The following ACOX1 variants were observed in gnomAD, a reference collection of about 807,000 sequenced individuals.
The protein encoded by ACOX1 is acyl-CoA oxidase 1.
A neutral mutation model predicts 75.5 loss-of-function variants in ACOX1; 41 were observed. The ratio of observed to expected loss-of-function variants is 0.54; its 90% CI spans 0.42 to 0.70. ACOX1 has a LOEUF of 0.70. Ranked by LOEUF, ACOX1 falls within the 30% of genes least tolerant of loss-of-function variation. The probability of loss-of-function intolerance (pLI) is 0.00; values close to 1 mark genes in which losing one functional copy is unlikely to be tolerated. For synonymous variants in ACOX1, 303 were observed against 298.8 expected (o/e 1.01, Z -0.15); for missense variants, 630 against 837.5 (o/e 0.75, Z 3.06).
intron 7 of ACOX1, among the ~76,000 whole-genome samples, chr17:75,952,548 C>T (rs1002329361): frequency 1.3e-5 from 2 of 152,042 alleles, no homozygotes; most frequent in Non-Finnish European, 2.9e-5. Context: ...CCCGCTTTGG[C>T]CTCCCAAAGT....
intron 8 of ACOX1, 38 bp from the exon 9 acceptor site, chr17:75,951,002 G>A: frequency 6.2e-7 from 1 of 1,601,900 alleles, no homozygotes; most frequent in Non-Finnish European, 8.5e-7. Flanking sequence ...GACATCTGTG[G>A]TGCTGAGAGC....
At chr17:75,961,380 GA>G (rs1567881100) in intron 2 of ACOX1, among the ~76,000 whole-genome samples, 1 of 150,316 alleles carries the variant, frequency 6.7e-6, no homozygotes. Flanking sequence ...AGCACTTTGG[GA>G]GGCTGACGCA....
intron 2 of ACOX1, among the ~76,000 whole-genome samples, chr17:75,977,683 A>ACTCTCT (rs2066066547): frequency 6.6e-6 from 1 of 152,238 alleles, no homozygotes; most frequent in Non-Finnish European, 1.5e-5. Context: ...TATGCACAAG[A>ACTCTCT]CAACCATTCA....
In ACOX1 at chr17:75,945,317, T is replaced by C. The variant is rs138647867; in HGVS notation, c.*1431A>G. On this transcript the variant is annotated 3_prime_UTR_variant, in exon 14 of 14. Coordinates refer to ENST00000293217, the MANE Select transcript of ACOX1 (RefSeq NM_004035.7). ...GACTCAAGTGAGATTAACACAGGGT[T>C]AATCTTCAATCTTAACACAATTATC... 9.0e-4 allele frequency: 137 copies of C among 152,354 alleles called. No homozygotes were observed. Among genetic ancestry groups the C allele is most frequent in the African/African-American group, 3.2e-3 (132 of 41,592 alleles). The allele number at this position is 152,354 out of a possible 1,614,324, so 9.4% of individuals were successfully genotyped here.
In ACOX1 at chr17:75,975,070, A is replaced by AAAAAG. The variant is rs1555619953; in HGVS notation, c.269+3463_269+3464insCTTTT. On this transcript the variant is annotated intron_variant, in intron 2 of 13. Transcript: ENST00000293217. ...GTCTCCAAAAAAAAAAAAAAAAAAAAAAAGAAAGAAAGAAAGAAATAATAG... is the reference window on the plus strand; with the variant it reads ...GTCTCCAAAAAAAAAAAAAAAAAAAAAAAAGAAAGAAAGAAAGAAAGAAATAATAG... 4.4e-4 allele frequency among the ~76,000 whole-genome samples: 64 copies of AAAAAG among 145,192 alleles called. 1 individual carries two copies. The highest frequency in any genetic ancestry group is 1.5e-3 in the African/African-American group (60 of 39,104).
chr17:75,967,667 TATAC>T (rs537070508), intron 2 of ACOX1, among the ~76,000 whole-genome samples: 1,923 of 98,524 alleles, frequency 0.02, 68 homozygotes, highest in East Asian at 0.092. Flanking sequence ...CATACATATA[TATAC>T]ATATATATAC....
rs760616575 is a variant in ACOX1 at position 75,949,811 on chromosome 17, C to T, written c.1385G>A (p.Arg462His). Residue 462 changes from arginine to histidine, a missense_variant, in exon 10 of 14, where the codon CGC becomes CAC. Arg to His is a conservative substitution (Grantham distance 29). This residue lies in a region of ACOX1 where 240 missense variants were observed against 262.7 expected (regional missense o/e 0.91). Transcript: ENST00000293217. ...GACTGCTACCTGCTGTGGCTGGATG[C>T]GCTGACTGGGCAGGTCGTTCAAATA... ...VSYLNDLPSQ[R>H]IQPQQVAVWP... 6.9e-5 allele frequency: 111 copies of T among 1,614,044 alleles called. 1 individual carries two copies. The highest frequency in any genetic ancestry group is 2.7e-4 in the Admixed American group (16 of 59,986).
chr17:75,946,760 C>T lies in ACOX1; in HGVS notation c.1971G>A (p.Gln657=), dbSNP rs2144227442. Residue 657 remains glutamine, a synonymous_variant, in exon 14 of 14, where the codon CAG becomes CAA. Coordinates refer to ENST00000293217, the MANE Select transcript of ACOX1 (RefSeq NM_004035.7). ...TCCTTGTGACACTTCAGAGCTTGGA[C>T]TGCAGTGACTTCAGGTGCTTGTAAG... ...HESYKHLKSL[Q]SKL 6.8e-6 allele frequency: 11 copies of T among 1,614,012 alleles called. No homozygotes were observed. Among genetic ancestry groups the T allele is most frequent in the Non-Finnish European group, 9.3e-6 (11 of 1,179,902 alleles).
intron 7 of ACOX1, 149 bp from the exon 8 acceptor site, chr17:75,951,726 T>TG: frequency 2.6e-6 from 2 of 767,496 alleles, no homozygotes; most frequent in Non-Finnish European, 4.2e-6. Context: ...TATCTCCATT[T>TG]TACAAATGGG....
At chr17:75,947,007 T>C (rs2065726639) in intron 13 of ACOX1, among the ~76,000 whole-genome samples, 2 of 151,994 alleles carry the variant, frequency 1.3e-5, no homozygotes, top group Admixed American at 6.6e-5. Context: ...TTGCTAGAAC[T>C]ACAGGTGTGT....
chr17:75,973,499 A>T (rs2066015920), intron 2 of ACOX1: 1 of 1,042,394 alleles, frequency 9.6e-7, no homozygotes, highest in Non-Finnish European at 1.5e-6. Flanking sequence ...AAGAAGTTGA[A>T]TTTTGACTTA....
chr17:75,970,605 T>C (rs1280069169), intron 2 of ACOX1, among the ~76,000 whole-genome samples: 1 of 152,238 alleles, frequency 6.6e-6, no homozygotes. Flanking sequence ...TGAACCTGAA[T>C]ACTTCTGAGC....
In ACOX1 at chr17:75,949,769, T is replaced by C; in HGVS notation, c.1427A>G (p.Asp476Gly). The change falls in exon 10 of 14, where the codon GAT becomes GGT. Residue 476 changes from aspartate to glycine, a missense_variant. Asp to Gly is a moderately conservative substitution (Grantham distance 94, BLOSUM62 -1). Coordinates refer to ENST00000293217, the MANE Select transcript of ACOX1 (RefSeq NM_004035.7). ...QQVAVWPTMV[D>G]INSPESLTEA... is the part of the protein sequence containing the mutation. ...GGTTAGGCTTTCGGGGCTGTTGATATCCACCATGGTTGGCCAGACTGCTAC... is the reference window on the plus strand; with the variant it reads ...GGTTAGGCTTTCGGGGCTGTTGATACCCACCATGGTTGGCCAGACTGCTAC... The C allele has an allele frequency of 1.2e-6, 2 of 1,614,168 alleles. No individual in the cohort carries two copies. The highest frequency in any genetic ancestry group is 1.7e-6 in the Non-Finnish European group (2 of 1,180,036).
Position 75,945,205 on chromosome 17 carries a change from C to A in ACOX1, c.*1543G>T, listed in dbSNP as rs1486812498. On this transcript the variant is annotated 3_prime_UTR_variant, in exon 14 of 14. Coordinates refer to ENST00000293217, the MANE Select transcript of ACOX1 (RefSeq NM_004035.7). ...TCCTGCCCAGATATTCATCTGTGAA[C>A]AAGGTATTTCAACACTAATTTTGAA... 6.6e-6 allele frequency: 1 copy of A among 152,158 alleles called. No individual in the cohort carries two copies. The highest frequency in any genetic ancestry group is 1.5e-5 in the Non-Finnish European group (1 of 68,036). The allele number at this position is 152,158 out of a possible 1,614,324, so 9.4% of individuals were successfully genotyped here.
chr17:75,965,962 T>C (rs2065928269), intron 2 of ACOX1, among the ~76,000 whole-genome samples: 1 of 151,602 alleles, frequency 6.6e-6, no homozygotes, highest in African/African-American at 2.4e-5. Flanking sequence ...AAACCCCATC[T>C]CTACTAAAAA....
At chr17:75,949,125 G>T (rs1286975192) in intron 12 of ACOX1, 92 bp downstream of exon 12, 34 of 1,484,956 alleles carry the variant, frequency 2.3e-5, no homozygotes, top group Non-Finnish European at 3.2e-5. Flanking sequence ...CTCCCAAAGT[G>T]CTGGGATTAC....
Position 75,952,559 on chromosome 17 carries a change from G to C in ACOX1, c.944+892C>G, listed in dbSNP as rs964791027. On this transcript the variant is annotated intron_variant, in intron 7 of 13. Coordinates refer to ENST00000293217, the MANE Select transcript of ACOX1 (RefSeq NM_004035.7). Reference sequence around the variant, plus strand: ...TCCACCCGCTTTGGCCTCCCAAAGTGCTGAGATTACAGGCGTGAGCCACTG... The same window carrying C: ...TCCACCCGCTTTGGCCTCCCAAAGTCCTGAGATTACAGGCGTGAGCCACTG... Among the ~76,000 whole-genome samples, 4 of 152,082 alleles carry C rather than the reference G, an allele frequency of 2.6e-5. No individual in the cohort carries two copies. In the South Asian group the frequency reaches 6.2e-4, roughly 24 times the overall value.
At position 75,948,415 on chromosome 17, in the gene ACOX1, G is replaced by A. The variant is rs35629489; in HGVS notation, c.1771C>T (p.Arg591Cys). The A allele has an allele frequency of 2.6e-3, 4,252 of 1,614,062 alleles. 41 individuals are homozygous for A. The African/African-American group carries it at 0.026, about 10-fold the overall frequency. Residue 591 changes from arginine (R) to cysteine (C), a missense_variant, in exon 13 of 14, where the codon CGT (arginine) becomes TGT (cysteine). By Grantham distance (180) the Arg-to-Cys change is radical. Transcript: ENST00000293217. ...ATCAGAGTGAGTAACTCCTTTACAC[G>A]CTGGTTTACTTGTGTAATCTGAGGC... Reference protein sequence around the residue: ...TEPQITQVNQRVKELLTLIRS... With the variant: ...TEPQITQVNQCVKELLTLIRS...
intron 2 of ACOX1, among the ~76,000 whole-genome samples, chr17:75,977,435 G>A (rs916885682): frequency 2.0e-5 from 3 of 151,890 alleles, no homozygotes; most frequent in African/African-American, 4.8e-5. Context: ...GTGTGGTGGC[G>A]GGCGCCTGTA....
Sources: gnomAD v4.1 joint callset for allele counts (sites outside exome capture counted in the v4.1 genomes callset) on GRCh38, gnomAD v4.1.1 for gene constraint, gnomAD v4.1.1 regional missense constraint, MANE v1.5 for transcripts, NCBI Gene and HGNC (gene_info 2026-07-23, HGNC 2026-07-21) for gene names.